The following DPP6 variants were observed in gnomAD, a reference collection of about 807,000 sequenced individuals.
DPP6 encodes A-type potassium channel modulatory protein DPP6.
A neutral mutation model predicts 122.6 loss-of-function variants in DPP6; 69 were observed. The ratio of observed to expected loss-of-function variants is 0.56; its 90% CI spans 0.46 to 0.69. DPP6 has a LOEUF of 0.69. Among genes scored for constraint, DPP6 ranks in the 30% least tolerant of loss-of-function variants. DPP6 has a pLI of 0.00. For synonymous variants in DPP6, 418 were observed against 433.1 expected, an observed-to-expected ratio of 0.97 and a Z score of 0.43; for missense variants, 928 against 1,116.9, an observed-to-expected ratio of 0.83 and a Z score of 2.41.
intron 10 of DPP6, among the ~76,000 whole-genome samples, chr7:154,784,268 G>A (rs1166552115): frequency 6.6e-6 from 1 of 152,138 alleles, no homozygotes; most frequent in African/African-American, 2.4e-5. Context: ...CTCATAAGGA[G>A]AGAGACCTAG....
chr7:153,990,022 G>T (rs1186691402), intron 1 of DPP6, among the ~76,000 whole-genome samples: 1 of 117,302 alleles, frequency 8.5e-6, no homozygotes, highest in African/African-American at 3.3e-5. Context: ...GCCCCCTGCC[G>T]GCCTTGCCTC....
chr7:154,579,612 A>G (rs573518762), intron 5 of DPP6, among the ~76,000 whole-genome samples: 1 of 152,286 alleles, frequency 6.6e-6, no homozygotes, highest in Non-Finnish European at 1.5e-5. Flanking sequence ...GCAAGCTTGC[A>G]CCTTGAGTTA....
chr7:154,362,488 C>T (rs551397848), intron 1 of DPP6, among the ~76,000 whole-genome samples: 5 of 152,102 alleles, frequency 3.3e-5, no homozygotes, highest in Non-Finnish European at 7.4e-5. Context: ...CATCTTGGCT[C>T]ACCACAACGT....
chr7:154,211,815 C>G (rs139543785), intron 1 of DPP6, among the ~76,000 whole-genome samples: 1 of 152,168 alleles, frequency 6.6e-6, no homozygotes, highest in African/African-American at 2.4e-5. Context: ...TGATGAAACC[C>G]CAGGCTTCCA....
chr7:154,355,369 C>T (rs1267911029), intron 1 of DPP6, among the ~76,000 whole-genome samples: 1 of 152,120 alleles, frequency 6.6e-6, no homozygotes, highest in Admixed American at 6.6e-5. Flanking sequence ...TTTTGATGAA[C>T]AGAATTTTAC....
At chr7:154,861,797 C>G (rs1260466024) in intron 17 of DPP6, among the ~76,000 whole-genome samples, 1 of 152,094 alleles carries the variant, frequency 6.6e-6, no homozygotes, top group East Asian at 1.9e-4. Flanking sequence ...AAGACCTTGT[C>G]AGAAACGTGT....
intron 1 of DPP6, among the ~76,000 whole-genome samples, chr7:154,278,953 G>C (rs1250025379): frequency 6.6e-6 from 1 of 151,816 alleles, no homozygotes; most frequent in South Asian, 2.1e-4. Flanking sequence ...TGTGTGGTAT[G>C]TATATGGGCA....
At chr7:154,320,701 G>A (rs1294287208) in intron 1 of DPP6, among the ~76,000 whole-genome samples, 1 of 152,150 alleles carries the variant, frequency 6.6e-6, no homozygotes, top group Non-Finnish European at 1.5e-5. Flanking sequence ...GGCCAGGCTG[G>A]TCTCGAACTC....
intron 4 of DPP6, among the ~76,000 whole-genome samples, chr7:154,554,761 T>C (rs924372727): frequency 6.6e-5 from 10 of 152,314 alleles, no homozygotes; most frequent in African/African-American, 2.4e-4. Context: ...ATAAAAGTTA[T>C]GAGCAAAATA....
At chr7:153,816,199 T>A in the DPP6 span, among the ~76,000 whole-genome samples, 2 of 152,048 alleles carry the variant, frequency 1.3e-5, no homozygotes, top group Non-Finnish European at 2.9e-5. Context: ...CAAAAAATAA[T>A]TAGAAGGAAA....
chr7:154,825,015 T>G (rs575295482), intron 16 of DPP6, among the ~76,000 whole-genome samples: 3 of 152,386 alleles, frequency 2.0e-5, no homozygotes, highest in South Asian at 2.1e-4. Flanking sequence ...TATAAAAATA[T>G]GATTTTTAAA....
chr7:154,550,013 G>A (rs948230541), intron 4 of DPP6, among the ~76,000 whole-genome samples: 7 of 152,058 alleles, frequency 4.6e-5, no homozygotes, highest in Non-Finnish European at 7.4e-5. Context: ...TTTTGCTATA[G>A]TATTGTTATT....
chr7:154,683,115 A>C (rs958566898), intron 7 of DPP6, among the ~76,000 whole-genome samples: 2 of 152,166 alleles, frequency 1.3e-5, no homozygotes, highest in African/African-American at 4.8e-5. Flanking sequence ...GAATGGTTTT[A>C]GTTTTCCCTT....
the DPP6 span, among the ~76,000 whole-genome samples, chr7:153,809,038 T>C: frequency 6.6e-6 from 1 of 152,024 alleles, no homozygotes; most frequent in East Asian, 1.9e-4. Context: ...TTCCCTTTTC[T>C]TCACGTCCCC....
chr7:153,977,810 G>C (rs1331065859), intron 1 of DPP6, among the ~76,000 whole-genome samples: 1 of 151,850 alleles, frequency 6.6e-6, no homozygotes, highest in African/African-American at 2.4e-5. Flanking sequence ...CATGGTGTTT[G>C]GTTTTCTGTT....
intron 1 of DPP6, among the ~76,000 whole-genome samples, chr7:154,233,226 G>C (rs189736497): frequency 5.3e-5 from 8 of 152,330 alleles, no homozygotes; most frequent in African/African-American, 1.9e-4. Flanking sequence ...TTAACAGTAG[G>C]ATGTCTTTAT....
At chr7:154,372,678 G>A (rs1812775463) in intron 1 of DPP6, among the ~76,000 whole-genome samples, 1 of 152,160 alleles carries the variant, frequency 6.6e-6, no homozygotes, top group Admixed American at 6.5e-5. Context: ...GCAAACAGAA[G>A]CCAAAAGAGA....
At position 154,713,634 on chromosome 7, in the gene DPP6, C is replaced by T. The variant is rs113960785; in HGVS notation, c.763-14133C>T. Reference sequence around the variant, plus strand: ...CAAGCTGTACGTTGGCCCCTTTTAGCGATGGCTGGAGTGGCTGGGACACAG... The same window carrying T: ...CAAGCTGTACGTTGGCCCCTTTTAGTGATGGCTGGAGTGGCTGGGACACAG... On this transcript the variant is annotated intron_variant, in intron 7 of 25. Coordinates refer to ENST00000377770, the MANE Select transcript of DPP6 (RefSeq NM_130797.4). Among the ~76,000 whole-genome samples the T allele has an allele frequency of 7.0e-4, 106 of 152,332 alleles. No individual in the cohort carries two copies. In the Middle Eastern group the frequency reaches 0.01, roughly 15 times the overall value.
intron 6 of DPP6, among the ~76,000 whole-genome samples, chr7:154,643,733 G>T (rs1836265028): frequency 6.6e-6 from 1 of 152,174 alleles, no homozygotes; most frequent in Non-Finnish European, 1.5e-5. Flanking sequence ...CTCCCGAAGT[G>T]CTGGGATTAC....
Sources: gnomAD v4.1 joint callset for allele counts (sites outside exome capture counted in the v4.1 genomes callset) on GRCh38, gnomAD v4.1.1 for gene constraint, MANE v1.5 for transcripts, NCBI Gene and HGNC (gene_info 2026-07-23, HGNC 2026-07-21) for gene names.